The following PPAT variants were observed in gnomAD, a reference collection of about 807,000 sequenced individuals.
PPAT encodes phosphoribosyl pyrophosphate amidotransferase.
PPAT carries 20 observed loss-of-function variants against 60.2 expected under a neutral mutation model. The observed-to-expected ratio is 0.33, with a 90% CI of 0.23 to 0.48. The LOEUF (loss-of-function observed/expected upper bound fraction) is 0.48. PPAT is among the 20% of genes least tolerant of loss of function. The probability of loss-of-function intolerance (pLI) is 0.99; values close to 1 mark genes in which losing one functional copy is unlikely to be tolerated. For synonymous variants in PPAT, 194 were observed against 215.1 expected, an observed-to-expected ratio of 0.90 and a Z score of 0.86; for missense variants, 349 against 629.6, an observed-to-expected ratio of 0.55 and a Z score of 4.77.
chr4:56,435,215 C>A, intron 1 of PPAT, 135 bp downstream of exon 1: 1 of 1,331,612 alleles, frequency 7.5e-7, no homozygotes, highest in Non-Finnish European at 1.0e-6. Flanking sequence ...CCGGTCGACG[C>A]CACAGGCAGG....
intron 1 of PPAT, chr4:56,419,682 G>A: frequency 1.0e-6 from 1 of 983,496 alleles, no homozygotes; most frequent in Non-Finnish European, 1.2e-6. Flanking sequence ...AAATGAAGGA[G>A]GAAAGCACTG....
intron 3 of PPAT, among the ~76,000 whole-genome samples, chr4:56,405,667 G>T (rs1037946528): frequency 5.3e-5 from 8 of 152,334 alleles, no homozygotes; most frequent in Admixed American, 5.2e-4. Flanking sequence ...ACTTGGAGAT[G>T]CCTGGAGGGT....
chr4:56,418,303 T>A (rs1259009582), intron 1 of PPAT, among the ~76,000 whole-genome samples: 1 of 152,134 alleles, frequency 6.6e-6, no homozygotes, highest in Non-Finnish European at 1.5e-5. Context: ...CTTTCTTTTT[T>A]AAAAAACTTA....
At position 56,395,275 on chromosome 4, in the gene PPAT, T is replaced by C; in HGVS notation, c.*77A>G. On this transcript the variant is annotated 3_prime_UTR_variant, in exon 11 of 11. Coordinates refer to ENST00000264220, the MANE Select transcript of PPAT (RefSeq NM_002703.5). ...TTACATTGTACCAACTGAGTAACAG[T>C]AAATAGATGAGGTGTGACCACTATA... 1 of 1,234,960 alleles carries C rather than the reference T, an allele frequency of 8.1e-7. No homozygotes were observed. The highest frequency in any genetic ancestry group is 1.1e-6 in the Non-Finnish European group (1 of 878,884). 76.5% of individuals were successfully genotyped at this position (1,234,960 alleles called of 1,614,324 possible).
intron 1 of PPAT, among the ~76,000 whole-genome samples, chr4:56,417,834 G>GTTTTTTTT (rs1560645697): frequency 9.0e-6 from 1 of 111,162 alleles, no homozygotes; most frequent in African/African-American, 3.5e-5. Context: ...TTGAAGATTT[G>GTTTTTTTT]GTTTTTTGTT....
At chr4:56,418,209 TGGAGGTTCACTTGAACCTG>T (rs951175307) in intron 1 of PPAT, among the ~76,000 whole-genome samples, 2 of 152,188 alleles carry the variant, frequency 1.3e-5, no homozygotes, top group South Asian at 2.1e-4. Flanking sequence ...CCAGCTACTC[TGGAGGTTCACTTGAACCTG>T]GGAGGTTCAG....
chr4:56,407,355 G>T (rs1007870042), intron 2 of PPAT, among the ~76,000 whole-genome samples: 1 of 145,892 alleles, frequency 6.9e-6, no homozygotes, highest in Non-Finnish European at 1.5e-5. Flanking sequence ...TTTCACTCTT[G>T]TTGCCCAGGC....
chr4:56,429,026 A>G, intron 1 of PPAT: 2 of 855,274 alleles, frequency 2.3e-6, no homozygotes, highest in Non-Finnish European at 2.8e-6. Context: ...GAGAAATAAC[A>G]AGTTCTTCCA....
chr4:56,404,115 A>C lies in PPAT; in HGVS notation c.403-714T>G, dbSNP rs558435178. 266 of 378,722 alleles carry C rather than the reference A, an allele frequency of 7.0e-4. 5 individuals are homozygous for C. Among genetic ancestry groups the C allele is most frequent in the Non-Finnish European group, 9.7e-4 (177 of 182,428 alleles). The allele number at this position is 378,722 out of a possible 1,614,324, so 23.5% of individuals were successfully genotyped here. On this transcript the variant is annotated intron_variant, in intron 3 of 10. Coordinates refer to ENST00000264220, the MANE Select transcript of PPAT (RefSeq NM_002703.5). ...GATGACCATGGCTGGAGGCAATAGG[A>C]AATCTAGAAGATTTTCAAGCAGGAA...
At chr4:56,430,119 G>A (rs537063657) in intron 1 of PPAT, among the ~76,000 whole-genome samples, 14 of 152,192 alleles carry the variant, frequency 9.2e-5, no homozygotes, top group African/African-American at 3.4e-4. Flanking sequence ...ATAAATAAAC[G>A]TATATCCCAT....
rs546239303 is a variant in PPAT, at chr4:56,413,374, C to A, written c.129-5658G>T. Among the ~76,000 whole-genome samples, 3 of 152,160 alleles carry A rather than the reference C, an allele frequency of 2.0e-5. No homozygotes were observed. The East Asian group carries it at 5.8e-4, about 30-fold the overall frequency. On this transcript the variant is annotated intron_variant, in intron 1 of 10. Coordinates refer to ENST00000264220, the MANE Select transcript of PPAT (RefSeq NM_002703.5). ...TTCATCATGTTGACCAGGCTGGTCT[C>A]GAAGTCCTGTCCTCAAGTGATCTGC...
intron 1 of PPAT, among the ~76,000 whole-genome samples, chr4:56,434,905 G>A (rs1219624477): frequency 1.3e-5 from 2 of 152,224 alleles, no homozygotes; most frequent in African/African-American, 4.8e-5. Flanking sequence ...GGTGGTTGGA[G>A]GCCCCGCGCG....
rs372969235 is a variant in PPAT at position 56,399,185 on chromosome 4, T to G, written c.1230A>C (p.Ala410=). 6.8e-6 allele frequency: 11 copies of G among 1,606,242 alleles called. No individual in the cohort carries two copies. Among genetic ancestry groups the G allele is most frequent in the East Asian group, 2.2e-5 (1 of 44,810 alleles). ...ATGTTTTAATATTACTTACCTCTTT[T>G]GCACCAGATTCTTTGAGCAGTTTTA... The part of the protein sequence containing the change: ...PIIKLLKESG[A]KEVHIRVASP... The change falls in exon 9 of 11, where the codon GCA becomes GCC. Residue 410 remains alanine (A), a synonymous_variant. Transcript: ENST00000264220.
chr4:56,395,337 A>T lies in PPAT; in HGVS notation c.*15T>A. On this transcript the variant is annotated 3_prime_UTR_variant, in exon 11 of 11. Transcript: ENST00000264220. ...AACTTTCTATCTTGAAACTACACAC[A>T]TCCAACCCTACCAGCTACCATTCTA... The T allele has an allele frequency of 6.3e-7, 1 of 1,584,820 alleles. No homozygotes were observed. Among genetic ancestry groups the T allele is most frequent in the Non-Finnish European group, 8.6e-7 (1 of 1,161,990 alleles).
chr4:56,401,430 A>G lies in PPAT; in HGVS notation c.786T>C (p.Asn262=). 6.2e-7 allele frequency: 1 copy of G among 1,606,398 alleles called. No homozygotes were observed. The highest frequency in any genetic ancestry group is 8.5e-7 in the Non-Finnish European group (1 of 1,174,756). ...PGEIVEISRH[N]VQTLDIISRS... ...TTGATATAATATCAAGAGTTTGGACATTGTGTCTGGATATTTCCACAATTT... is the reference window on the plus strand; with the variant it reads ...TTGATATAATATCAAGAGTTTGGACGTTGTGTCTGGATATTTCCACAATTT... The change falls in exon 7 of 11, where the codon AAT becomes AAC. Residue 262 remains asparagine, a synonymous_variant. Transcript: ENST00000264220.
chr4:56,402,073 G>A (rs1430224856), intron 6 of PPAT, 36 bp downstream of exon 6: 3 of 1,469,662 alleles, frequency 2.0e-6, no homozygotes, highest in East Asian at 2.3e-5. Flanking sequence ...TTTTCAACAT[G>A]GGAAAATAAA....
In PPAT at chr4:56,395,188, A is replaced by C. The variant is rs1309709549; in HGVS notation, c.*164T>G. The C allele has an allele frequency of 8.5e-6, 5 of 591,010 alleles. No homozygotes were observed. In the Admixed American group the frequency reaches 2.1e-4, roughly 25 times the overall value. 36.6% of individuals were successfully genotyped at this position (591,010 alleles called of 1,614,324 possible). A position where few individuals can be genotyped will look rare whatever the true frequency, so the allele number is the denominator to read the frequency against. Reference sequence around the variant, plus strand: ...GCAATTGGAAATGTTCAGTTATCGCACTTTGGTATCCTTTTCAGAAAAAAA... The same window carrying C: ...GCAATTGGAAATGTTCAGTTATCGCCCTTTGGTATCCTTTTCAGAAAAAAA... On this transcript the variant is annotated 3_prime_UTR_variant, in exon 11 of 11. Transcript: ENST00000264220.
intron 10 of PPAT, among the ~76,000 whole-genome samples, chr4:56,395,771 A>T (rs1715954755): frequency 6.6e-6 from 1 of 152,036 alleles, no homozygotes; most frequent in Non-Finnish European, 1.5e-5. Flanking sequence ...TTAAAACAGC[A>T]GAGGAGGCTT....
intron 8 of PPAT, chr4:56,399,617 C>T: frequency 2.3e-6 from 1 of 425,788 alleles, no homozygotes; most frequent in Non-Finnish European, 4.2e-6. Flanking sequence ...TTGTCTTAAA[C>T]ATTATTCCTC....
Sources: allele counts gnomAD v4.1 joint callset (sites outside exome capture counted in the v4.1 genomes callset), GRCh38; gene constraint gnomAD v4.1.1; transcripts MANE v1.5; gene names NCBI Gene and HGNC (gene_info 2026-07-23, HGNC 2026-07-21).